Variants in PRKCA observed in about 807,000 individuals in gnomAD.
The protein encoded by PRKCA is protein kinase C alpha type.
A neutral mutation model predicts 87.0 loss-of-function variants in PRKCA; 27 were observed. The ratio of observed to expected loss-of-function variants is 0.31; its 90% CI spans 0.23 to 0.43. The LOEUF (loss-of-function observed/expected upper bound fraction) is 0.43. PRKCA is among the 20% of genes least tolerant of loss of function. The pLI is 1.00. For synonymous variants in PRKCA, 329 were observed against 311.1 expected (o/e 1.06, Z -0.61); for missense variants, 518 against 852.3 (o/e 0.61, Z 4.88).
chr17:66,710,711 C>G (rs1050859769), intron 8 of PRKCA, among the ~76,000 whole-genome samples: 1 of 152,000 alleles, frequency 6.6e-6, no homozygotes, highest in South Asian at 2.1e-4. Flanking sequence ...GACCAGTCTC[C>G]CCTCCTCTTC....
chr17:66,706,479 C>CA (rs398031367), intron 8 of PRKCA, among the ~76,000 whole-genome samples: 76,578 of 142,756 alleles, frequency 0.54, 19,922 homozygotes, highest in African/African-American at 0.57. Context: ...ACTAAAAATA[C>CA]AAAAAAAAAA....
intron 2 of PRKCA, among the ~76,000 whole-genome samples, chr17:66,401,507 T>G (rs548117778): frequency 6.6e-6 from 1 of 152,262 alleles, no homozygotes; most frequent in South Asian, 2.1e-4. Flanking sequence ...TTTTATGCAA[T>G]CATTGATGGA....
At chr17:66,418,205 A>T (rs889343221) in intron 2 of PRKCA, among the ~76,000 whole-genome samples, 3 of 152,182 alleles carry the variant, frequency 2.0e-5, no homozygotes, top group Non-Finnish European at 2.9e-5. Context: ...CAGATCTAAA[A>T]GCTATGAGAA....
intron 3 of PRKCA, among the ~76,000 whole-genome samples, chr17:66,545,461 GACTTT>G (rs1254967196): frequency 6.6e-6 from 1 of 152,138 alleles, no homozygotes; most frequent in Non-Finnish European, 1.5e-5. Flanking sequence ...CATACTGTAT[GACTTT>G]ACTTTAAAAA....
chr17:66,554,324 T>A (rs1251221466), intron 3 of PRKCA, among the ~76,000 whole-genome samples: 1 of 152,172 alleles, frequency 6.6e-6, no homozygotes, highest in African/African-American at 2.4e-5. Flanking sequence ...TGTGAACTTG[T>A]CCCAGTGGAG....
intron 2 of PRKCA, among the ~76,000 whole-genome samples, chr17:66,351,919 T>A (rs1168641393): frequency 2.0e-5 from 3 of 152,108 alleles, no homozygotes; most frequent in Non-Finnish European, 4.4e-5. Context: ...AGATTCGTTC[T>A]CTGTGGCAGT....
At chr17:66,724,500 C>A (rs573525219) in intron 8 of PRKCA, among the ~76,000 whole-genome samples, 1 of 152,160 alleles carries the variant, frequency 6.6e-6, no homozygotes, top group East Asian at 1.9e-4. Context: ...AGATTTGGGA[C>A]ACATCAGCAG....
At chr17:66,514,064 C>A (rs2144186385) in intron 3 of PRKCA, among the ~76,000 whole-genome samples, 1 of 152,290 alleles carries the variant, frequency 6.6e-6, no homozygotes, top group African/African-American at 2.4e-5. Context: ...ACTTTTATTA[C>A]ATACAGTATA....
intron 3 of PRKCA, among the ~76,000 whole-genome samples, chr17:66,501,565 C>T (rs534279523): frequency 6.6e-6 from 1 of 152,314 alleles, no homozygotes; most frequent in East Asian, 1.9e-4. Flanking sequence ...AAGTATGTGG[C>T]TCATGGAATG....
chr17:66,656,134 G>A (rs368581875), intron 5 of PRKCA, among the ~76,000 whole-genome samples: 2 of 152,158 alleles, frequency 1.3e-5, no homozygotes, highest in Admixed American at 6.5e-5. Flanking sequence ...GGAACAAGGG[G>A]CAAAGAGTTG....
chr17:66,772,035 T>G (rs1320196457), intron 13 of PRKCA, among the ~76,000 whole-genome samples: 2 of 152,194 alleles, frequency 1.3e-5, no homozygotes, highest in Non-Finnish European at 2.9e-5. Context: ...TATAATGACA[T>G]TGGTATCAGG....
At chr17:66,590,363 CCT>C (rs1969762916) in intron 3 of PRKCA, among the ~76,000 whole-genome samples, 1 of 152,128 alleles carries the variant, frequency 6.6e-6, no homozygotes, top group South Asian at 2.1e-4. Flanking sequence ...AGTCTCCACC[CCT>C]GTTAGTTGTG....
intron 5 of PRKCA, among the ~76,000 whole-genome samples, chr17:66,666,180 TC>T (rs1261941199): frequency 6.6e-6 from 1 of 152,194 alleles, no homozygotes; most frequent in Admixed American, 6.5e-5. Context: ...AGAGCAGAAA[TC>T]CGCTTTGGGA....
At chr17:66,468,975 G>A (rs73996225) in intron 2 of PRKCA, among the ~76,000 whole-genome samples, 9,689 of 152,204 alleles carry the variant, frequency 0.064, 1,024 homozygotes, top group African/African-American at 0.22. Context: ...ACTTTCAACT[G>A]TAGACTTTCT....
At chr17:66,401,109 A>G (rs1288345868) in intron 2 of PRKCA, among the ~76,000 whole-genome samples, 3 of 152,208 alleles carry the variant, frequency 2.0e-5, no homozygotes, top group African/African-American at 7.2e-5. Flanking sequence ...ACCAGAACAC[A>G]GTTCCCGCCC....
At chr17:66,344,750 GA>G (rs1907254182) in intron 2 of PRKCA, among the ~76,000 whole-genome samples, 1 of 152,136 alleles carries the variant, frequency 6.6e-6, no homozygotes, top group African/African-American at 2.4e-5. Context: ...CTGGTTGGCA[GA>G]AGTCATACCT....
intron 2 of PRKCA, among the ~76,000 whole-genome samples, chr17:66,368,064 C>T (rs895622765): frequency 6.6e-6 from 1 of 152,096 alleles, no homozygotes; most frequent in African/African-American, 2.4e-5. Flanking sequence ...ACTGTGAACT[C>T]AGAACTCCAA....
intron 2 of PRKCA, among the ~76,000 whole-genome samples, chr17:66,445,101 C>G (rs192876189): frequency 3.3e-4 from 51 of 152,262 alleles, no homozygotes; most frequent in African/African-American, 1.2e-3. Flanking sequence ...TTGACATTGA[C>G]CCAGGGTGGG....
intron 2 of PRKCA, among the ~76,000 whole-genome samples, chr17:66,480,741 C>T (rs904785395): frequency 4.6e-5 from 7 of 151,724 alleles, no homozygotes; most frequent in African/African-American, 7.3e-5. Context: ...ATATGAAATG[C>T]TTTTTCCCTC....
Sources: allele counts gnomAD v4.1 joint callset (sites outside exome capture counted in the v4.1 genomes callset), GRCh38; gene constraint gnomAD v4.1.1; transcripts MANE v1.5; gene names NCBI Gene and HGNC (gene_info 2026-07-23, HGNC 2026-07-21).